The following BABAM2 variants were observed in gnomAD, a reference collection of about 807,000 sequenced individuals.
The protein encoded by BABAM2 is BRISC and BRCA1-A complex member 2.
In BABAM2, 31 loss-of-function variants were observed where a neutral mutation model predicts 54.7. The observed-to-expected ratio is 0.57, with a 90% CI of 0.43 to 0.77. BABAM2 has a LOEUF of 0.77. Among genes scored for constraint, BABAM2 ranks in the 30% least tolerant of loss-of-function variants. The pLI, the probability that BABAM2 is intolerant of heterozygous loss-of-function variation, is 0.00. For missense variants in BABAM2, 364 were observed against 455.8 expected, an observed-to-expected ratio of 0.80 and a Z score of 1.83; for synonymous variants, 167 against 162.9, an observed-to-expected ratio of 1.03 and a Z score of -0.19.
intron 10 of BABAM2, among the ~76,000 whole-genome samples, chr2:28,285,565 T>C (rs997077927): frequency 4.6e-5 from 7 of 152,188 alleles, no homozygotes; most frequent in African/African-American, 1.4e-4. Context: ...CCAAGTCTTA[T>C]GAGGAAACAT....
chr2:28,128,522 T>C (rs955659881), intron 6 of BABAM2, among the ~76,000 whole-genome samples: 1 of 152,230 alleles, frequency 6.6e-6, no homozygotes, highest in Non-Finnish European at 1.5e-5. Flanking sequence ...ATCATCAGCG[T>C]TGGCTTGAGT....
rs70953901 is a variant in BABAM2, at chr2:28,092,749, C to CCTCT, written c.571-36502_571-36499dup. The stretch of plus-strand genomic sequence containing the variant: ...CAAGTCCTCTCTCCCTTCGTCTCTG[C>CCTCT]CTCTCTCTCTCTCTCTCTCTCTCAC... On this transcript the variant is annotated intron_variant, in intron 6 of 11. Coordinates refer to ENST00000379624, the MANE Select transcript of BABAM2 (RefSeq NM_199191.3). 8.6e-3 allele frequency among the ~76,000 whole-genome samples: 1,265 copies of CCTCT among 146,820 alleles called. 6 individuals are homozygous for CCTCT. The highest frequency in any genetic ancestry group is 0.032 in the Middle Eastern group (9 of 282).
At chr2:27,912,508 G>A (rs900159994) in intron 2 of BABAM2, among the ~76,000 whole-genome samples, 2 of 152,254 alleles carry the variant, frequency 1.3e-5, no homozygotes, top group African/African-American at 4.8e-5. Flanking sequence ...AATTAAAAGA[G>A]TATGTAAGTC....
intron 7 of BABAM2, among the ~76,000 whole-genome samples, chr2:28,129,920 G>A (rs951087015): frequency 6.6e-6 from 1 of 152,246 alleles, no homozygotes; most frequent in African/African-American, 2.4e-5. Context: ...CATGGCAGAA[G>A]TAGTTTGATA....
chr2:28,031,471 C>T (rs1235935640), intron 5 of BABAM2, among the ~76,000 whole-genome samples: 1 of 152,040 alleles, frequency 6.6e-6, no homozygotes, highest in South Asian at 2.1e-4. Context: ...TGGAATGCTG[C>T]ACCAAACTAA....
At chr2:27,967,400 C>T (rs2148443362) in intron 3 of BABAM2, among the ~76,000 whole-genome samples, 2 of 152,168 alleles carry the variant, frequency 1.3e-5, no homozygotes, top group East Asian at 3.8e-4. Context: ...CTCCGCCTTG[C>T]CTTCTGCCAC....
intron 6 of BABAM2, among the ~76,000 whole-genome samples, chr2:28,054,086 C>T (rs1374429212): frequency 1.3e-5 from 2 of 151,914 alleles, no homozygotes; most frequent in Non-Finnish European, 2.9e-5. Context: ...AAATCCAGCC[C>T]AGGCATTGGG....
chr2:27,956,399 G>A (rs1226524620), intron 3 of BABAM2, among the ~76,000 whole-genome samples: 2 of 152,154 alleles, frequency 1.3e-5, no homozygotes, highest in African/African-American at 4.8e-5. Flanking sequence ...TTTTGGATTT[G>A]AGATATGAAA....
At chr2:28,045,837 A>T (rs1677515009) in intron 6 of BABAM2, 38 bp downstream of exon 6, 2 of 1,463,666 alleles carry the variant, frequency 1.4e-6, no homozygotes, top group East Asian at 4.6e-5. Context: ...AATATAAGTG[A>T]GCTTTTTAAG....
intron 11 of BABAM2, among the ~76,000 whole-genome samples, chr2:28,335,245 C>T (rs1691340671): frequency 1.4e-5 from 2 of 144,456 alleles, no homozygotes; most frequent in South Asian, 4.6e-4. Context: ...TCTTGGCTCA[C>T]TGCAACCTCC....
At chr2:27,903,840 T>G (rs958077450) in intron 2 of BABAM2, among the ~76,000 whole-genome samples, 1 of 152,248 alleles carries the variant, frequency 6.6e-6, no homozygotes, top group African/African-American at 2.4e-5. Context: ...ATGTTAGGTC[T>G]TAGCAACATC....
chr2:28,155,482 G>A (rs1211237525), intron 7 of BABAM2, among the ~76,000 whole-genome samples: 2 of 152,070 alleles, frequency 1.3e-5, no homozygotes, highest in African/African-American at 4.8e-5. Flanking sequence ...AAGCAGATGA[G>A]AATCCTGATG....
chr2:28,171,670 A>G (rs2147851594), intron 7 of BABAM2, among the ~76,000 whole-genome samples: 1 of 152,158 alleles, frequency 6.6e-6, no homozygotes, highest in Middle Eastern at 3.4e-3. Context: ...GCCTGTTTTT[A>G]ATTGGACTTT....
At chr2:28,051,047 G>A (rs550480875) in intron 6 of BABAM2, among the ~76,000 whole-genome samples, 1 of 152,278 alleles carries the variant, frequency 6.6e-6, no homozygotes, top group East Asian at 1.9e-4. Flanking sequence ...TTATAACTGG[G>A]TTATCATGGT....
chr2:27,893,580 G>A (rs139665549), intron 1 of BABAM2, among the ~76,000 whole-genome samples: 21 of 152,276 alleles, frequency 1.4e-4, no homozygotes, highest in Non-Finnish European at 4.4e-5. Flanking sequence ...TTTATTGAGT[G>A]TTTAGCATGT....
chr2:28,045,559 C>T (rs1288649127), intron 5 of BABAM2, among the ~76,000 whole-genome samples, 166 bp from the exon 6 acceptor site: 1 of 152,178 alleles, frequency 6.6e-6, no homozygotes, highest in Non-Finnish European at 1.5e-5. Flanking sequence ...AGAACTCTTT[C>T]TGATCCTCCC....
At chr2:27,933,770 T>G (rs1349696255) in intron 3 of BABAM2, among the ~76,000 whole-genome samples, 1 of 147,988 alleles carries the variant, frequency 6.8e-6, no homozygotes, top group Non-Finnish European at 1.5e-5. Context: ...GCTTGTTTTT[T>G]TTTTTTTTTT....
intron 7 of BABAM2, among the ~76,000 whole-genome samples, chr2:28,232,728 T>C (rs1681528935): frequency 6.6e-6 from 1 of 152,236 alleles, no homozygotes; most frequent in Non-Finnish European, 1.5e-5. Context: ...TGTAATCTTA[T>C]GGGACCACTG....
intron 6 of BABAM2, among the ~76,000 whole-genome samples, chr2:28,074,301 TG>T (rs1664451570): frequency 1.3e-5 from 2 of 152,184 alleles, no homozygotes; most frequent in Non-Finnish European, 2.9e-5. Context: ...CTATCATGTA[TG>T]TTATAGAATG....
Sources: allele counts gnomAD v4.1 joint callset (sites outside exome capture counted in the v4.1 genomes callset), GRCh38; gene constraint gnomAD v4.1.1; transcripts MANE v1.5; gene names NCBI Gene and HGNC (gene_info 2026-07-23, HGNC 2026-07-21).